The following RAB6A variants were observed in gnomAD, a reference collection of about 807,000 sequenced individuals.
The protein encoded by RAB6A is ras-related protein Rab-6A.
In RAB6A, 8 loss-of-function variants were observed where a neutral mutation model predicts 32.3. That is an observed-to-expected ratio of 0.25 (90% CI 0.15 to 0.45). The LOEUF is 0.45. Ranked by LOEUF, RAB6A falls within the 20% of genes least tolerant of loss-of-function variation. The pLI is 1.00. For missense variants in RAB6A, 104 were observed against 249.4 expected (o/e 0.42, Z 3.93); for synonymous variants, 73 against 82.1 (o/e 0.89, Z 0.60).
chr11:73,711,552 G>C (rs1317449957), intron 5 of RAB6A, among the ~76,000 whole-genome samples: 1 of 152,146 alleles, frequency 6.6e-6, no homozygotes, highest in Non-Finnish European at 1.5e-5. Flanking sequence ...ATTACAAATA[G>C]TGCTAGGTAT....
intron 1 of RAB6A, among the ~76,000 whole-genome samples, chr11:73,733,912 A>G (rs1946354865): frequency 6.6e-6 from 1 of 152,304 alleles, no homozygotes; most frequent in South Asian, 2.1e-4. Flanking sequence ...AGATTTGTCT[A>G]CTTTGTGCCC....
At chr11:73,702,223 G>A (rs1945756802) in intron 6 of RAB6A, among the ~76,000 whole-genome samples, 1 of 152,140 alleles carries the variant, frequency 6.6e-6, no homozygotes, top group Non-Finnish European at 1.5e-5. Context: ...ATGCAGTGGC[G>A]CAATCATGCC....
intron 1 of RAB6A, among the ~76,000 whole-genome samples, chr11:73,744,705 G>A (rs1489948275): frequency 5.3e-5 from 8 of 152,200 alleles, no homozygotes; most frequent in Admixed American, 2.6e-4. Flanking sequence ...GGCTGGGCGC[G>A]GTGGCTTACG....
chr11:73,695,890 CT>C (rs1945647547), intron 6 of RAB6A, among the ~76,000 whole-genome samples: 1 of 152,140 alleles, frequency 6.6e-6, no homozygotes, highest in Non-Finnish European at 1.5e-5. Flanking sequence ...TCTGTAGAAA[CT>C]TTCAAGTTGA....
chr11:73,727,820 C>T (rs1275089664), intron 2 of RAB6A, among the ~76,000 whole-genome samples: 1 of 152,062 alleles, frequency 6.6e-6, no homozygotes, highest in Admixed American at 6.6e-5. Flanking sequence ...GAGTGACAGC[C>T]TTAATCAGAT....
chr11:73,720,146 GA>G (rs1946112465), intron 3 of RAB6A, among the ~76,000 whole-genome samples: 1 of 148,660 alleles, frequency 6.7e-6, no homozygotes, highest in Non-Finnish European at 1.5e-5. Flanking sequence ...TCCAAAGGAT[GA>G]AAGACAAAAA....
chr11:73,702,584 T>A (rs557333456), intron 6 of RAB6A, among the ~76,000 whole-genome samples: 1 of 152,338 alleles, frequency 6.6e-6, no homozygotes, highest in East Asian at 1.9e-4. Flanking sequence ...ATAGACCATA[T>A]GATAGGCCAT....
At chr11:73,681,693 C>T (rs971738636) in intron 6 of RAB6A, among the ~76,000 whole-genome samples, 17 of 152,162 alleles carry the variant, frequency 1.1e-4, no homozygotes, top group African/African-American at 3.9e-4. Context: ...CCCGTAATCC[C>T]AGCTACTCGG....
At chr11:73,744,511 C>CAAAAAAAAAAAAA (rs555388622) in intron 1 of RAB6A, among the ~76,000 whole-genome samples, 2 of 63,748 alleles carry the variant, frequency 3.1e-5, no homozygotes, top group African/African-American at 1.5e-4. Flanking sequence ...ACCCTGTCTC[C>CAAAAAAAAAAAAA]AAAAAAAAAA....
At chr11:73,726,961 G>T (rs1946232890) in intron 2 of RAB6A, among the ~76,000 whole-genome samples, 1 of 152,084 alleles carries the variant, frequency 6.6e-6, no homozygotes, top group African/African-American at 2.4e-5. Context: ...TGAGATTATG[G>T]AAACGAAAAG....
chr11:73,729,020 T>C (rs2134969172), intron 2 of RAB6A, among the ~76,000 whole-genome samples: 1 of 152,322 alleles, frequency 6.6e-6, no homozygotes, highest in South Asian at 2.1e-4. Context: ...AAACTGTGTC[T>C]TTCTTGGAAT....
At chr11:73,692,198 A>G (rs1400555013) in intron 6 of RAB6A, among the ~76,000 whole-genome samples, 1 of 151,956 alleles carries the variant, frequency 6.6e-6, no homozygotes, top group African/African-American at 2.4e-5. Flanking sequence ...CCTGACCTCA[A>G]AAACAGAGCA....
intron 2 of RAB6A, chr11:73,729,494 G>A (rs1472307079): frequency 3.3e-5 from 5 of 152,116 alleles, no homozygotes; most frequent in African/African-American, 1.2e-4. Flanking sequence ...TCTAGCTAAA[G>A]TTAGTCAATT....
At chr11:73,680,175 C>G (rs968532749) in intron 6 of RAB6A, among the ~76,000 whole-genome samples, 1 of 151,866 alleles carries the variant, frequency 6.6e-6, no homozygotes, top group Non-Finnish European at 1.5e-5. Context: ...AAGCAATATA[C>G]CAAATACAAA....
At chr11:73,679,821 G>C in intron 6 of RAB6A, 101 bp from the exon 7 acceptor site, 2 of 1,477,360 alleles carry the variant, frequency 1.4e-6, no homozygotes, top group East Asian at 2.3e-5. Flanking sequence ...GCTGGGCGCA[G>C]TGGCTCACAC....
intron 1 of RAB6A, chr11:73,759,919 G>GAGA: frequency 1.3e-6 from 1 of 761,172 alleles, no homozygotes; most frequent in South Asian, 1.6e-5. Context: ...CACTGCCGAC[G>GAGA]CTACCCCTTT....
At chr11:73,682,303 C>CA (rs946877702) in intron 6 of RAB6A, among the ~76,000 whole-genome samples, 12 of 151,936 alleles carry the variant, frequency 7.9e-5, no homozygotes, top group African/African-American at 2.9e-4. Context: ...AAAAAACAAA[C>CA]AAAAAACATT....
Position 73,760,707 on chromosome 11 carries a change from C to T in RAB6A, c.-72G>A, listed in dbSNP as rs1946832290. Reference sequence around the variant, plus strand: ...GACCGATGCTGCTCCAGCCAGCTGACGAAAAAGGCGAGCGGAAGGGCGGGC... The same window carrying T: ...GACCGATGCTGCTCCAGCCAGCTGATGAAAAAGGCGAGCGGAAGGGCGGGC... On this transcript the variant is annotated 5_prime_UTR_variant, in exon 1 of 8. Coordinates refer to ENST00000336083, the MANE Select transcript of RAB6A (RefSeq NM_198896.2). 7 of 1,548,456 alleles carry T rather than the reference C, an allele frequency of 4.5e-6. No individual in the cohort carries two copies. Among genetic ancestry groups the T allele is most frequent in the Non-Finnish European group, 6.1e-6 (7 of 1,144,162 alleles).
intron 1 of RAB6A, among the ~76,000 whole-genome samples, chr11:73,752,128 A>C (rs1946678311): frequency 6.6e-6 from 1 of 152,226 alleles, no homozygotes. Flanking sequence ...TAACATCTTC[A>C]AAATGACAAG....
Sources: allele counts gnomAD v4.1 joint callset (sites outside exome capture counted in the v4.1 genomes callset), GRCh38; gene constraint gnomAD v4.1.1; transcripts MANE v1.5; gene names NCBI Gene and HGNC (gene_info 2026-07-23, HGNC 2026-07-21).